Variants in NSMCE2 observed in about 807,000 individuals in gnomAD.
NSMCE2 encodes the protein E3 SUMO-protein ligase NSE2.
NSMCE2 carries 24 observed loss-of-function variants against 23.8 expected under a neutral mutation model. The ratio of observed to expected loss-of-function variants is 1.01; its 90% CI spans 0.73 to 1.42. NSMCE2 has a LOEUF of 1.42. Among genes scored for constraint, NSMCE2 ranks in the 40% most tolerant of loss-of-function variants. NSMCE2 has a pLI of 0.00. For missense variants in NSMCE2, 284 were observed against 296.5 expected, an observed-to-expected ratio of 0.96 and a Z score of 0.31; for synonymous variants, 92 against 94.1, an observed-to-expected ratio of 0.98 and a Z score of 0.13.
intron 5 of NSMCE2, among the ~76,000 whole-genome samples, chr8:125,205,495 G>A (rs561476116): frequency 1.7e-4 from 26 of 152,218 alleles, no homozygotes; most frequent in Middle Eastern, 3.4e-3. Flanking sequence ...TTTTGGTGAT[G>A]GTGCATCCCA....
chr8:125,259,048 A>G (rs1308717227), intron 5 of NSMCE2, among the ~76,000 whole-genome samples: 1 of 152,176 alleles, frequency 6.6e-6, no homozygotes, highest in Non-Finnish European at 1.5e-5. Context: ...GATTACAGGC[A>G]TGCACTATCA....
chr8:125,213,970 GAT>G (rs1563723388), intron 5 of NSMCE2, among the ~76,000 whole-genome samples: 1 of 152,074 alleles, frequency 6.6e-6, no homozygotes, highest in Non-Finnish European at 1.5e-5. Flanking sequence ...TTTATATCTG[GAT>G]ACTCTGTGAA....
chr8:125,147,034 A>C (rs1167466764), intron 3 of NSMCE2, among the ~76,000 whole-genome samples: 1 of 152,136 alleles, frequency 6.6e-6, no homozygotes, highest in Non-Finnish European at 1.5e-5. Flanking sequence ...AATCATTGTC[A>C]TTACTTTCCA....
At chr8:125,192,588 GAAC>G (rs1823406264) in intron 5 of NSMCE2, among the ~76,000 whole-genome samples, 1 of 152,122 alleles carries the variant, frequency 6.6e-6, no homozygotes, top group Non-Finnish European at 1.5e-5. Flanking sequence ...CATTGTTGGT[GAAC>G]AACATTTGAA....
chr8:125,134,873 G>A (rs185849858), intron 3 of NSMCE2, among the ~76,000 whole-genome samples: 4 of 151,958 alleles, frequency 2.6e-5, no homozygotes, highest in East Asian at 3.9e-4. Flanking sequence ...GACTATAGGC[G>A]TATGCCACCA....
At chr8:125,227,718 T>C (rs1017898800) in intron 5 of NSMCE2, among the ~76,000 whole-genome samples, 1 of 152,204 alleles carries the variant, frequency 6.6e-6, no homozygotes, top group African/African-American at 2.4e-5. Flanking sequence ...AAAATGTGTA[T>C]ATTGTAAAAG....
At chr8:125,298,712 T>TC (rs1554634247) in intron 5 of NSMCE2, among the ~76,000 whole-genome samples, 93 of 148,728 alleles carry the variant, frequency 6.3e-4, no homozygotes, top group African/African-American at 2.2e-3. Flanking sequence ...TTTTTTTTTT[T>TC]CCCCAGTTTA....
chr8:125,232,767 T>C (rs1341862799), intron 5 of NSMCE2, among the ~76,000 whole-genome samples: 1 of 152,188 alleles, frequency 6.6e-6, no homozygotes, highest in African/African-American at 2.4e-5. Context: ...TTTCTTCTTC[T>C]TGTTTTTTTA....
intron 5 of NSMCE2, among the ~76,000 whole-genome samples, chr8:125,222,961 C>T (rs1372859519): frequency 1.3e-5 from 2 of 152,054 alleles, no homozygotes; most frequent in Non-Finnish European, 2.9e-5. Context: ...ACCCAGGAGG[C>T]TGAGGTGGGA....
chr8:125,248,663 A>AT (rs1826088632), intron 5 of NSMCE2, among the ~76,000 whole-genome samples: 1 of 152,134 alleles, frequency 6.6e-6, no homozygotes, highest in Non-Finnish European at 1.5e-5. Flanking sequence ...AAAAAAAAAA[A>AT]GTCAACATCA....
chr8:125,105,138 C>T (rs1320100604), intron 3 of NSMCE2, among the ~76,000 whole-genome samples: 1 of 152,156 alleles, frequency 6.6e-6, no homozygotes, highest in Non-Finnish European at 1.5e-5. Context: ...CCTACTGTCC[C>T]ACAGCTATTG....
At chr8:125,296,392 A>ATT (rs11410793) in intron 5 of NSMCE2, among the ~76,000 whole-genome samples, 2,937 of 125,632 alleles carry the variant, frequency 0.023, 110 homozygotes, top group East Asian at 0.084. Flanking sequence ...TGCCATGGTC[A>ATT]TTTTTTTTTT....
chr8:125,328,049 T>G (rs1829742641), intron 5 of NSMCE2, among the ~76,000 whole-genome samples: 2 of 152,152 alleles, frequency 1.3e-5, no homozygotes. Flanking sequence ...TAAAACTGTT[T>G]GCTTTAGTGA....
intron 5 of NSMCE2, among the ~76,000 whole-genome samples, chr8:125,183,329 T>G (rs1822921188): frequency 6.6e-6 from 1 of 152,212 alleles, no homozygotes; most frequent in Non-Finnish European, 1.5e-5. Flanking sequence ...TTTGGAATGT[T>G]TTGCAATCAT....
intron 5 of NSMCE2, among the ~76,000 whole-genome samples, chr8:125,301,488 A>G (rs1378981295): frequency 2.0e-5 from 3 of 152,048 alleles, no homozygotes; most frequent in Non-Finnish European, 4.4e-5. Context: ...GGTGGTGGTG[A>G]GGATTAAGTG....
chr8:125,197,551 G>A (rs2130848328), intron 5 of NSMCE2, among the ~76,000 whole-genome samples: 1 of 152,282 alleles, frequency 6.6e-6, no homozygotes. Flanking sequence ...TGTTCCATTG[G>A]TCTGTATATC....
chr8:125,150,661 C>T (rs188910694), intron 3 of NSMCE2, among the ~76,000 whole-genome samples: 1 of 151,958 alleles, frequency 6.6e-6, no homozygotes, highest in Non-Finnish European at 1.5e-5. Context: ...GGATTACAGA[C>T]GTTAGTCACC....
chr8:125,249,326 C>G (rs1375344975), intron 5 of NSMCE2, among the ~76,000 whole-genome samples: 1 of 152,140 alleles, frequency 6.6e-6, no homozygotes, highest in African/African-American at 2.4e-5. Flanking sequence ...TTCACTTAAT[C>G]TGCTTCAAGA....
chr8:125,216,408 G>T (rs1226027896), intron 5 of NSMCE2, among the ~76,000 whole-genome samples: 3 of 152,202 alleles, frequency 2.0e-5, no homozygotes, highest in Non-Finnish European at 4.4e-5. Flanking sequence ...GGAAGGCCGA[G>T]GCAGGCAGAT....
Sources: allele counts gnomAD v4.1 joint callset (sites outside exome capture counted in the v4.1 genomes callset), GRCh38; gene constraint gnomAD v4.1.1; transcripts MANE v1.5; gene names NCBI Gene and HGNC (gene_info 2026-07-23, HGNC 2026-07-21).